Variants in CCDC192 observed in about 807,000 individuals in gnomAD.
CCDC192 encodes the protein coiled-coil domain-containing protein 192.
At chr5:127,734,706 T>C (rs1489373329) in intron 2 of CCDC192, among the ~76,000 whole-genome samples, 1 of 148,028 alleles carries the variant, frequency 6.8e-6, no homozygotes, top group East Asian at 2.0e-4. Context: ...CATGTGTTTT[T>C]TGGCTGCATA....
At chr5:127,820,635 C>G (rs1471054942) in intron 5 of CCDC192, among the ~76,000 whole-genome samples, 1 of 152,156 alleles carries the variant, frequency 6.6e-6, no homozygotes, top group Non-Finnish European at 1.5e-5. Context: ...CCTTCTCCTT[C>G]CTACTTTCTC....
At chr5:127,763,416 A>C (rs978919491) in intron 3 of CCDC192, among the ~76,000 whole-genome samples, 1 of 151,520 alleles carries the variant, frequency 6.6e-6, no homozygotes, top group Admixed American at 6.6e-5. Flanking sequence ...TTTTTTCTCT[A>C]TCTCCACTAT....
chr5:127,707,161 G>A (rs919317874), intron 1 of CCDC192, among the ~76,000 whole-genome samples: 1 of 152,108 alleles, frequency 6.6e-6, no homozygotes, highest in Non-Finnish European at 1.5e-5. Flanking sequence ...AAACTAGAAG[G>A]GAAGGAATTG....
chr5:127,915,502 C>G (rs1487042120), intron 6 of CCDC192, among the ~76,000 whole-genome samples: 1 of 152,214 alleles, frequency 6.6e-6, no homozygotes, highest in Non-Finnish European at 1.5e-5. Flanking sequence ...CTGCCTCAGC[C>G]TCCCGAGTAG....
chr5:127,717,928 C>CAAAAAAAAAAAAAAAAAGAAAAAAA (rs1751729357), intron 2 of CCDC192, among the ~76,000 whole-genome samples: 1 of 98,066 alleles, frequency 1.0e-5, no homozygotes, highest in Admixed American at 1.1e-4. Flanking sequence ...TAAAGCTAGA[C>CAAAAAAAAAAAAAAAAAGAAAAAAA]AAAAAAAAAA....
chr5:127,797,917 G>T (rs1757271211), intron 4 of CCDC192, among the ~76,000 whole-genome samples, 189 bp from the exon 5 acceptor site: 1 of 151,316 alleles, frequency 6.6e-6, no homozygotes, highest in Non-Finnish European at 1.5e-5. Context: ...TTTTCTTTGG[G>T]TTCTTTCATA....
chr5:127,932,145 C>A (rs1158810934), intron 6 of CCDC192, among the ~76,000 whole-genome samples: 1 of 144,860 alleles, frequency 6.9e-6, no homozygotes, highest in African/African-American at 2.6e-5. Context: ...CAGAGTGAGA[C>A]TCCGTCTCAA....
At chr5:127,734,325 A>C (rs1156861319) in intron 2 of CCDC192, among the ~76,000 whole-genome samples, 3 of 152,030 alleles carry the variant, frequency 2.0e-5, no homozygotes, top group Non-Finnish European at 4.4e-5. Flanking sequence ...CCAGTCTATC[A>C]TTGTTGGACA....
At chr5:127,829,879 A>G (rs1749703329) in intron 5 of CCDC192, among the ~76,000 whole-genome samples, 1 of 152,212 alleles carries the variant, frequency 6.6e-6, no homozygotes, top group African/African-American at 2.4e-5. Flanking sequence ...AACAAATGAG[A>G]ATAACATACC....
chr5:127,738,324 T>C (rs1445838451), intron 2 of CCDC192, among the ~76,000 whole-genome samples: 2 of 127,942 alleles, frequency 1.6e-5, no homozygotes. Context: ...GGGCTTCCCT[T>C]TGAGGGTAAC....
At chr5:127,922,861 A>G (rs1753759709) in intron 6 of CCDC192, among the ~76,000 whole-genome samples, 1 of 152,240 alleles carries the variant, frequency 6.6e-6, no homozygotes, top group South Asian at 2.1e-4. Flanking sequence ...TGTGGGGAGT[A>G]TTTGTTGAAG....
chr5:127,890,534 A>G (rs1752704051), intron 6 of CCDC192, among the ~76,000 whole-genome samples: 1 of 151,504 alleles, frequency 6.6e-6, no homozygotes, highest in African/African-American at 2.4e-5. Context: ...TCATCTAGCC[A>G]TCTAGAGCTT....
At chr5:127,813,872 A>G (rs146271932) in intron 5 of CCDC192, among the ~76,000 whole-genome samples, 2 of 152,370 alleles carry the variant, frequency 1.3e-5, no homozygotes, top group Non-Finnish European at 2.9e-5. Flanking sequence ...GGAACTAAGA[A>G]GGACCTGAGC....
At chr5:127,922,400 C>G (rs890345219) in intron 6 of CCDC192, among the ~76,000 whole-genome samples, 1 of 152,138 alleles carries the variant, frequency 6.6e-6, no homozygotes, top group Admixed American at 6.5e-5. Context: ...GATTTCCTTT[C>G]ATTTCTGTTA....
At chr5:127,833,673 G>A (rs1218609896) in intron 5 of CCDC192, among the ~76,000 whole-genome samples, 2 of 152,106 alleles carry the variant, frequency 1.3e-5, no homozygotes, top group Non-Finnish European at 2.9e-5. Flanking sequence ...CAGATGACCT[G>A]TTTGTGCTCC....
rs1266290054 is a variant in CCDC192, at chr5:127,714,123, TATC to T, written c.114+6366_114+6368del. Among the ~76,000 whole-genome samples, 54 of 152,306 alleles carry T rather than the reference TATC, an allele frequency of 3.5e-4. 1 individual carries two copies. The highest frequency in any genetic ancestry group is 1.3e-3 in the African/African-American group (53 of 41,562). On this transcript the variant is annotated intron_variant, in intron 2 of 6. Coordinates refer to ENST00000514853, the MANE Select transcript of CCDC192 (RefSeq NM_001317938.2). ...CTTTCTGTGTCTGGCTTATTTCACT[TATC>T]ATGATGTCCTCCAGGTCCACCTATG...
intron 3 of CCDC192, among the ~76,000 whole-genome samples, chr5:127,783,312 G>A (rs574672927): frequency 1.7e-4 from 26 of 152,240 alleles, no homozygotes; most frequent in Admixed American, 9.8e-4. Context: ...GTTTTGATAG[G>A]TTGTGTCACT....
chr5:127,782,717 T>C (rs181665893), intron 3 of CCDC192, among the ~76,000 whole-genome samples: 2 of 152,312 alleles, frequency 1.3e-5, no homozygotes, highest in African/African-American at 4.8e-5. Flanking sequence ...TTGGTTAATC[T>C]TGCTAACGAT....
intron 5 of CCDC192, among the ~76,000 whole-genome samples, chr5:127,808,385 AATGAATCCTAAGG>A (rs1331660397): frequency 6.6e-6 from 1 of 152,008 alleles, no homozygotes; most frequent in Non-Finnish European, 1.5e-5. Flanking sequence ...AAAGTAAATC[AATGAATCCTAAGG>A]GAAGTAGTCA....
Sources: allele counts gnomAD v4.1 joint callset (sites outside exome capture counted in the v4.1 genomes callset), GRCh38; gene constraint gnomAD v4.1.1; transcripts MANE v1.5; gene names NCBI Gene and HGNC (gene_info 2026-07-23, HGNC 2026-07-21).